The following KIF15 variants were observed in gnomAD, a reference collection of about 807,000 sequenced individuals.
KIF15 encodes the protein kinesin family member 15, also known as kinesin-like protein KIF15.
A neutral mutation model predicts 190.6 loss-of-function variants in KIF15; 140 were observed. The observed-to-expected ratio is 0.73, with a 90% CI of 0.64 to 0.84. The LOEUF is 0.84. Ranked by LOEUF, KIF15 falls within the 40% of genes least tolerant of loss-of-function variation. The pLI is 0.00. For synonymous variants in KIF15, 528 were observed against 551.3 expected, an observed-to-expected ratio of 0.96 and a Z score of 0.59; for missense variants, 1,372 against 1,584.4, an observed-to-expected ratio of 0.87 and a Z score of 2.28.
intron 20 of KIF15, among the ~76,000 whole-genome samples, chr3:44,822,557 C>A (rs1379348539): frequency 6.6e-6 from 1 of 152,168 alleles, no homozygotes; most frequent in East Asian, 1.9e-4. Context: ...GCCTGCCTTG[C>A]TAGGTTGGGG....
chr3:44,775,957 G>GC (rs2125904164), intron 3 of KIF15, among the ~76,000 whole-genome samples: 1 of 151,722 alleles, frequency 6.6e-6, no homozygotes, highest in East Asian at 2.0e-4. Context: ...GTGGGCACCT[G>GC]TAGTCCTAGC....
At chr3:44,864,044 G>C (rs1017218347) in intron 6 of KIF15, 16 of 788,186 alleles carry the variant, frequency 2.0e-5, no homozygotes, top group Non-Finnish European at 2.9e-5. Context: ...GTTAAGTGAA[G>C]CCCTGTGCAG....
chr3:44,787,554 A>T (rs535013488), intron 7 of KIF15, among the ~76,000 whole-genome samples: 1 of 152,148 alleles, frequency 6.6e-6, no homozygotes, highest in East Asian at 1.9e-4. Flanking sequence ...TAGGTTGTAC[A>T]TGTGACGTAG....
At chr3:44,797,259 G>C (rs568798998) in intron 8 of KIF15, among the ~76,000 whole-genome samples, 1 of 152,184 alleles carries the variant, frequency 6.6e-6, no homozygotes, top group East Asian at 1.9e-4. Context: ...CAACTCCTGA[G>C]CTCAAGCAAC....
intron 16 of KIF15, 129 bp downstream of exon 16, chr3:44,806,115 C>A (rs1707488168): frequency 9.7e-7 from 1 of 1,026,008 alleles, no homozygotes; most frequent in Non-Finnish European, 1.4e-6. Context: ...ACCGGTGTCA[C>A]ACTGGTCTTT....
At chr3:44,786,173 G>A (rs889439844) in intron 6 of KIF15, among the ~76,000 whole-genome samples, 3 of 152,122 alleles carry the variant, frequency 2.0e-5, no homozygotes, top group Admixed American at 6.5e-5. Flanking sequence ...CCAAGATCGC[G>A]CCACTGCACT....
intron 30 of KIF15, among the ~76,000 whole-genome samples, chr3:44,843,503 T>TA (rs200397944): frequency 1.1e-4 from 17 of 152,230 alleles, no homozygotes; most frequent in South Asian, 2.1e-4. Flanking sequence ...TACTTATATT[T>TA]AAAAAAATTT....
intron 7 of KIF15, 108 bp from the exon 8 acceptor site, chr3:44,794,109 A>G (rs181030695): frequency 2.1e-4 from 173 of 839,572 alleles, no homozygotes; most frequent in Non-Finnish European, 3.0e-5. Flanking sequence ...TTGAATTCCT[A>G]TCCACAAGTG....
At chr3:44,819,681 G>T (rs1021650742) in intron 20 of KIF15, among the ~76,000 whole-genome samples, 7 of 152,064 alleles carry the variant, frequency 4.6e-5, no homozygotes, top group Non-Finnish European at 8.8e-5. Context: ...GGTCAATTTT[G>T]GAATAAGTGC....
chr3:44,805,696 G>T, intron 15 of KIF15, 149 bp from the exon 16 acceptor site: 1 of 802,326 alleles, frequency 1.2e-6, no homozygotes, highest in Non-Finnish European at 2.0e-6. Flanking sequence ...TACTGAACTG[G>T]AGAATGATGG....
chr3:44,824,981 A>G (rs543659567), intron 20 of KIF15, among the ~76,000 whole-genome samples: 8 of 152,268 alleles, frequency 5.3e-5, no homozygotes, highest in African/African-American at 1.9e-4. Flanking sequence ...GCTGTTTTCA[A>G]ACCCCTGAGC....
chr3:44,772,495 C>A (rs1705687233), intron 1 of KIF15, among the ~76,000 whole-genome samples: 1 of 152,062 alleles, frequency 6.6e-6, no homozygotes, highest in African/African-American at 2.4e-5. Context: ...AAACCTTTAC[C>A]CAGCAAAATA....
chr3:44,821,064 A>G (rs1326328601), intron 20 of KIF15, among the ~76,000 whole-genome samples: 2 of 111,558 alleles, frequency 1.8e-5, no homozygotes, highest in South Asian at 3.1e-4. Flanking sequence ...ATGGGGCGGC[A>G]GGCCGGGTGG....
At chr3:44,866,481 C>T (rs1395080077) in intron 6 of KIF15, among the ~76,000 whole-genome samples, 2 of 152,200 alleles carry the variant, frequency 1.3e-5, no homozygotes, top group Non-Finnish European at 2.9e-5. Flanking sequence ...CGGCACTTAC[C>T]TGCCTCACTT....
At chr3:44,781,933 AT>A (rs1300960381) in intron 5 of KIF15, among the ~76,000 whole-genome samples, 1 of 152,062 alleles carries the variant, frequency 6.6e-6, no homozygotes, top group African/African-American at 2.4e-5. Context: ...CCTTTTGTCC[AT>A]GATATGGATT....
Position 44,805,161 on chromosome 3 carries a change from C to A in KIF15, c.1822C>A (p.Leu608Ile), listed in dbSNP as rs760582887. The A allele has an allele frequency of 2.5e-6, 4 of 1,610,576 alleles. No individual in the cohort carries two copies. Among genetic ancestry groups the A allele is most frequent in the Non-Finnish European group, 3.4e-6 (4 of 1,179,052 alleles). Reference sequence around the variant, plus strand: ...GCAAGAATATGAAGAATTCAAAGAACTTACTAGGTAAAGTCTAAATACACA... The same window carrying A: ...GCAAGAATATGAAGAATTCAAAGAAATTACTAGGTAAAGTCTAAATACACA... ...SKQEYEEFKE[L>I]TRKRQLELES... Residue 608 changes from leucine to isoleucine, a missense_variant, in exon 15 of 35, where the codon CTT (leucine) becomes ATT (isoleucine). Transcript: ENST00000326047.
intron 1 of KIF15, among the ~76,000 whole-genome samples, chr3:44,765,467 C>G (rs1705336226): frequency 6.6e-6 from 1 of 152,202 alleles, no homozygotes; most frequent in South Asian, 2.1e-4. Flanking sequence ...AAAGCTCCAG[C>G]TTTGGATATG....
intron 20 of KIF15, among the ~76,000 whole-genome samples, chr3:44,818,769 G>C (rs1387135019): frequency 6.6e-6 from 1 of 152,150 alleles, no homozygotes; most frequent in Non-Finnish European, 1.5e-5. Context: ...AAATGAGTTA[G>C]GGAGTATTCC....
At chr3:44,797,791 G>A in intron 9 of KIF15, 43 bp from the exon 10 acceptor site, 2 of 1,607,904 alleles carry the variant, frequency 1.2e-6, no homozygotes, top group Non-Finnish European at 1.7e-6. Context: ...AAAAGGTCTT[G>A]TGATTTCTCA....
Sources: gnomAD v4.1 joint callset for allele counts (sites outside exome capture counted in the v4.1 genomes callset) on GRCh38, gnomAD v4.1.1 for gene constraint, MANE v1.5 for transcripts, NCBI Gene and HGNC (gene_info 2026-07-23, HGNC 2026-07-21) for gene names.